Variants in LRRIQ3 observed in about 807,000 individuals in gnomAD.
LRRIQ3 encodes leucine-rich repeat and IQ domain-containing protein 3.
Under a neutral mutation model 59.3 loss-of-function variants are expected in LRRIQ3, and 75 were observed. The observed-to-expected ratio is 1.26, with a 90% CI of 1.05 to 1.53. The LOEUF (loss-of-function observed/expected upper bound fraction) is 1.53. Ranked by LOEUF, LRRIQ3 falls within the 40% of genes most tolerant of loss-of-function variation. The pLI, the probability that LRRIQ3 is intolerant of heterozygous loss-of-function variation, is 0.00. For synonymous variants in LRRIQ3, 250 were observed against 231.3 expected, an observed-to-expected ratio of 1.08 and a Z score of -0.73; for missense variants, 831 against 710.0, an observed-to-expected ratio of 1.17 and a Z score of -1.94.
intron 4 of LRRIQ3, among the ~76,000 whole-genome samples, chr1:74,149,967 C>T (rs1308467986): frequency 1.3e-5 from 2 of 152,118 alleles, no homozygotes; most frequent in Non-Finnish European, 2.9e-5. Context: ...TGTACCCATA[C>T]AACTAAATTC....
chr1:74,038,128 C>A (rs541595968), intron 7 of LRRIQ3, among the ~76,000 whole-genome samples: 2 of 152,312 alleles, frequency 1.3e-5, no homozygotes, highest in East Asian at 3.9e-4. Context: ...CCTGATGGAG[C>A]CAGGGAGTCT....
intron 4 of LRRIQ3, among the ~76,000 whole-genome samples, chr1:74,153,051 C>T (rs1648087956): frequency 6.6e-6 from 1 of 152,126 alleles, no homozygotes; most frequent in Non-Finnish European, 1.5e-5. Flanking sequence ...TGGTGCTTTA[C>T]ATATATTGCA....
At chr1:74,071,891 A>T (rs1383898935) in intron 6 of LRRIQ3, among the ~76,000 whole-genome samples, 1 of 152,068 alleles carries the variant, frequency 6.6e-6, no homozygotes, top group Non-Finnish European at 1.5e-5. Flanking sequence ...TAAATATTTT[A>T]AAAGTTTTGC....
In LRRIQ3 at chr1:74,153,971, G is replaced by C. The variant is rs1020705696; in HGVS notation, c.707+1762C>G. Among the ~76,000 whole-genome samples, 4 of 152,158 alleles carry C rather than the reference G, an allele frequency of 2.6e-5. No individual in the cohort carries two copies. The East Asian group carries it at 7.7e-4, about 29-fold the overall frequency. Reference sequence around the variant, plus strand: ...AATTAAATTTTTAAGGCTGGGCGCGGTAGTTCACGCTTGTAATCCCAGCAC... The same window carrying C: ...AATTAAATTTTTAAGGCTGGGCGCGCTAGTTCACGCTTGTAATCCCAGCAC... On this transcript the variant is annotated intron_variant, in intron 4 of 7. Transcript: ENST00000354431.
intron 4 of LRRIQ3, among the ~76,000 whole-genome samples, chr1:74,115,331 T>G (rs1009712791): frequency 2.6e-5 from 4 of 152,148 alleles, no homozygotes; most frequent in Admixed American, 1.3e-4. Flanking sequence ...TAAATTTAAC[T>G]TTTAAAAACA....
chr1:74,125,584 C>T (rs958468074), intron 4 of LRRIQ3, among the ~76,000 whole-genome samples: 2 of 151,772 alleles, frequency 1.3e-5, no homozygotes, highest in East Asian at 1.9e-4. Flanking sequence ...GTGTCAAATG[C>T]TTTTTCAGTA....
intron 1 of LRRIQ3, among the ~76,000 whole-genome samples, chr1:74,187,455 G>A (rs1351261971): frequency 6.6e-6 from 1 of 151,816 alleles, no homozygotes; most frequent in East Asian, 1.9e-4. Flanking sequence ...TAGCCCAGAA[G>A]GCTATTATTC....
chr1:74,194,087 C>A (rs969754318), intron 1 of LRRIQ3, among the ~76,000 whole-genome samples: 1 of 151,924 alleles, frequency 6.6e-6, no homozygotes, highest in Non-Finnish European at 1.5e-5. Flanking sequence ...TGCCATGGGC[C>A]GGTGCAGTGA....
At chr1:74,132,299 C>T (rs998759869) in intron 4 of LRRIQ3, among the ~76,000 whole-genome samples, 3 of 152,074 alleles carry the variant, frequency 2.0e-5, no homozygotes, top group African/African-American at 7.2e-5. Context: ...CCATATTGCC[C>T]AAGGTAATTT....
intron 5 of LRRIQ3, chr1:74,084,058 T>A (rs577026073): frequency 2.2e-6 from 2 of 890,092 alleles, no homozygotes; most frequent in Non-Finnish European, 3.3e-6. Flanking sequence ...TTTACACTTA[T>A]CTTGTGTGTA....
chr1:74,052,929 ATCT>A (rs1345928146), intron 6 of LRRIQ3, among the ~76,000 whole-genome samples: 2 of 152,168 alleles, frequency 1.3e-5, no homozygotes, highest in African/African-American at 2.4e-5. Flanking sequence ...TAAAAATAAC[ATCT>A]TCTTTGAGAT....
chr1:74,161,312 T>G (rs1425517384), intron 3 of LRRIQ3, among the ~76,000 whole-genome samples: 1 of 152,208 alleles, frequency 6.6e-6, no homozygotes, highest in South Asian at 2.1e-4. Flanking sequence ...AATTTTAGAC[T>G]GGCCACATTT....
intron 3 of LRRIQ3, among the ~76,000 whole-genome samples, chr1:74,159,455 C>T (rs1648535599): frequency 6.6e-6 from 1 of 152,102 alleles, no homozygotes; most frequent in South Asian, 2.1e-4. Flanking sequence ...CCAAGCGTGA[C>T]TTAACAATGT....
intron 5 of LRRIQ3, among the ~76,000 whole-genome samples, chr1:74,081,409 AC>A (rs1305440038): frequency 6.6e-6 from 1 of 151,680 alleles, no homozygotes; most frequent in Non-Finnish European, 1.5e-5. Context: ...GATTGGAGGC[AC>A]CAATGTGTAA....
chr1:74,127,761 C>T (rs138067091), intron 4 of LRRIQ3, among the ~76,000 whole-genome samples: 1,677 of 151,954 alleles, frequency 0.011, 35 homozygotes, highest in African/African-American at 0.039. Flanking sequence ...TTAGACACCA[C>T]AATTACAGTG....
At chr1:74,111,378 C>G (rs1039416737) in intron 4 of LRRIQ3, among the ~76,000 whole-genome samples, 4 of 151,996 alleles carry the variant, frequency 2.6e-5, no homozygotes, top group Middle Eastern at 3.4e-3. Flanking sequence ...AAAAAAAATT[C>G]CAGTCAGAGC....
At chr1:74,042,586 A>AAGGT (rs1654080828) in intron 6 of LRRIQ3, among the ~76,000 whole-genome samples, 1 of 152,082 alleles carries the variant, frequency 6.6e-6, no homozygotes, top group Non-Finnish European at 1.5e-5. Context: ...TTCATTATGT[A>AAGGT]AGGACTCAAG....
chr1:74,044,809 T>C (rs1032643313), intron 6 of LRRIQ3, among the ~76,000 whole-genome samples: 4 of 152,140 alleles, frequency 2.6e-5, no homozygotes, highest in Admixed American at 2.0e-4. Context: ...AAATACAAAC[T>C]ACCATCAGAG....
chr1:74,183,061 A>G, intron 2 of LRRIQ3, 200 bp from the exon 3 acceptor site: 3 of 377,706 alleles, frequency 7.9e-6, no homozygotes, highest in South Asian at 7.3e-5. Context: ...ATAATTTATT[A>G]TTATTCGCAT....
Sources: gnomAD v4.1 joint callset for allele counts (sites outside exome capture counted in the v4.1 genomes callset) on GRCh38, gnomAD v4.1.1 for gene constraint, MANE v1.5 for transcripts, NCBI Gene and HGNC (gene_info 2026-07-23, HGNC 2026-07-21) for gene names.